Variants in NALF1 observed in about 807,000 individuals in gnomAD.
The protein encoded by NALF1 is family with sequence similarity 155 member A.
A neutral mutation model predicts 48.4 loss-of-function variants in NALF1; 3 were observed. The ratio of observed to expected loss-of-function variants is 0.06; its 90% confidence interval spans 0.03 to 0.16. The LOEUF is 0.16. Ranked by LOEUF, NALF1 falls within the 10% of genes least tolerant of loss-of-function variation. NALF1 has a pLI of 1.00. For synonymous variants in NALF1, 262 were observed against 245.7 expected (o/e 1.07, Z -0.62); for missense variants, 526 against 571.5 (o/e 0.92, Z 0.81).
intron 1 of NALF1, among the ~76,000 whole-genome samples, chr13:107,818,234 C>G (rs1052408899): frequency 2.0e-5 from 3 of 152,116 alleles, no homozygotes; most frequent in Non-Finnish European, 2.9e-5. Context: ...CACGGAGGGG[C>G]TGTGATCCAG....
At chr13:107,474,024 A>C (rs1885140699) in intron 1 of NALF1, among the ~76,000 whole-genome samples, 1 of 151,800 alleles carries the variant, frequency 6.6e-6, no homozygotes, top group Non-Finnish European at 1.5e-5. Context: ...CTCCCTCCCT[A>C]CCCTTTATGA....
At chr13:107,648,008 A>G (rs1880354902) in intron 1 of NALF1, among the ~76,000 whole-genome samples, 1 of 152,206 alleles carries the variant, frequency 6.6e-6, no homozygotes, top group African/African-American at 2.4e-5. Context: ...AAAGCTACAA[A>G]TGATAAAAAC....
chr13:107,761,656 A>T (rs1157005804), intron 1 of NALF1, among the ~76,000 whole-genome samples: 1 of 152,202 alleles, frequency 6.6e-6, no homozygotes, highest in African/African-American at 2.4e-5. Flanking sequence ...CTTGCCATAG[A>T]TGGAAACATT....
At chr13:107,600,030 T>A (rs1878878439) in intron 1 of NALF1, among the ~76,000 whole-genome samples, 1 of 152,226 alleles carries the variant, frequency 6.6e-6, no homozygotes, top group Admixed American at 6.5e-5. Context: ...AAAAACTAGA[T>A]AAATATCTCA....
chr13:107,658,547 T>C (rs1880645801), intron 1 of NALF1, among the ~76,000 whole-genome samples: 1 of 152,166 alleles, frequency 6.6e-6, no homozygotes, highest in Non-Finnish European at 1.5e-5. Context: ...TTTAGACTGG[T>C]CCCTTTTTCT....
intron 1 of NALF1, among the ~76,000 whole-genome samples, chr13:107,548,805 T>TAC (rs1877208220): frequency 6.6e-6 from 1 of 151,866 alleles, no homozygotes; most frequent in Admixed American, 6.6e-5. Flanking sequence ...TATCTAGCCA[T>TAC]ACACACACAC....
Position 107,866,640 on chromosome 13 carries a change from C to T in NALF1, c.-44G>A, listed in dbSNP as rs1880740228. ...CCTGGCCGACTCCACCGTGAGGGCG[C>T]CTGTGCCGGTGTCACCACAATATGC... On this transcript the variant is annotated 5_prime_UTR_variant, in exon 1 of 3. Transcript: ENST00000375915. The surrounding 1 kb of genome is among the most constrained non-coding windows in gnomAD (Gnocchi z 4.4). 1 of 1,536,960 alleles carries T rather than the reference C, an allele frequency of 6.5e-7. No homozygotes were observed. Among genetic ancestry groups the T allele is most frequent in the Non-Finnish European group, 8.8e-7 (1 of 1,140,606 alleles).
chr13:107,783,765 C>T (rs1877993045), intron 1 of NALF1, among the ~76,000 whole-genome samples: 1 of 151,530 alleles, frequency 6.6e-6, no homozygotes, highest in African/African-American at 2.4e-5. Context: ...AAACCAGAGA[C>T]CTTTGTTCAC....
chr13:107,819,925 T>C (rs1594291780), intron 1 of NALF1, among the ~76,000 whole-genome samples: 1 of 152,298 alleles, frequency 6.6e-6, no homozygotes, highest in East Asian at 1.9e-4. Flanking sequence ...GTTGTCTAAA[T>C]TGGGTCTGGC....
chr13:107,396,762 G>A (rs1390286899), intron 1 of NALF1, among the ~76,000 whole-genome samples: 1 of 152,198 alleles, frequency 6.6e-6, no homozygotes, highest in African/African-American at 2.4e-5. Flanking sequence ...CTCTCACCCT[G>A]CAGTAGAGAT....
chr13:107,816,686 C>CA (rs946401151), intron 1 of NALF1, among the ~76,000 whole-genome samples: 10 of 151,962 alleles, frequency 6.6e-5, no homozygotes, highest in African/African-American at 1.9e-4. Context: ...TTATTGACAA[C>CA]AAAGCATAGA....
chr13:107,769,936 G>A (rs559529193), intron 1 of NALF1, among the ~76,000 whole-genome samples: 92 of 152,060 alleles, frequency 6.1e-4, no homozygotes, highest in African/African-American at 2.0e-3. Flanking sequence ...TTGTTGAGAC[G>A]GAGTCTCGCT....
intron 1 of NALF1, among the ~76,000 whole-genome samples, chr13:107,337,885 T>G (rs1170273311): frequency 6.6e-6 from 1 of 152,166 alleles, no homozygotes; most frequent in Non-Finnish European, 1.5e-5. Context: ...TCTTTGCAGA[T>G]TGCTAAGAAA....
intron 1 of NALF1, among the ~76,000 whole-genome samples, chr13:107,810,916 G>A (rs996325966): frequency 6.6e-6 from 1 of 152,080 alleles, no homozygotes; most frequent in African/African-American, 2.4e-5. Context: ...TCTAGAACCA[G>A]ATTAACTTCT....
At chr13:107,835,212 A>G (rs1348896725) in intron 1 of NALF1, among the ~76,000 whole-genome samples, 3 of 152,230 alleles carry the variant, frequency 2.0e-5, no homozygotes, top group African/African-American at 7.2e-5. Flanking sequence ...CTAGAAGAGC[A>G]TGGATTCACA....
chr13:107,599,883 G>T (rs959402654), intron 1 of NALF1, among the ~76,000 whole-genome samples: 1 of 151,964 alleles, frequency 6.6e-6, no homozygotes, highest in East Asian at 1.9e-4. Context: ...TAATTACATG[G>T]GTCATAAAAT....
intron 1 of NALF1, among the ~76,000 whole-genome samples, chr13:107,783,422 C>G (rs1435964138): frequency 3.3e-5 from 5 of 152,056 alleles, no homozygotes; most frequent in Non-Finnish European, 4.4e-5. Context: ...GAATAGAAAG[C>G]GGGGAAAGGC....
At chr13:107,719,064 C>A (rs533813930) in intron 1 of NALF1, among the ~76,000 whole-genome samples, 1 of 152,158 alleles carries the variant, frequency 6.6e-6, no homozygotes, top group Non-Finnish European at 1.5e-5. Context: ...AGATAATTTA[C>A]GTAGAGTGCC....
chr13:107,229,927 A>G (rs1229727824), intron 1 of NALF1, among the ~76,000 whole-genome samples: 1 of 152,212 alleles, frequency 6.6e-6, no homozygotes. Flanking sequence ...AAAACAGGGT[A>G]AAGCGAAGGG....
Sources: gnomAD v4.1 joint callset for allele counts (sites outside exome capture counted in the v4.1 genomes callset) on GRCh38, gnomAD v4.1.1 for gene constraint, Gnocchi (gnomAD v3.1) non-coding constraint, MANE v1.5 for transcripts, NCBI Gene and HGNC (gene_info 2026-07-23, HGNC 2026-07-21) for gene names.